The following AACS variants were observed in gnomAD, a reference collection of about 807,000 sequenced individuals.
AACS encodes acetoacetate-CoA ligase.
A neutral mutation model predicts 83.1 loss-of-function variants in AACS; 69 were observed. The observed-to-expected ratio is 0.83, with a 90% CI of 0.68 to 1.01. The LOEUF (loss-of-function observed/expected upper bound fraction) is 1.01, where lower values mean the gene tolerates loss of function less well. Ranked by LOEUF, AACS falls within the 50% of genes least tolerant of loss-of-function variation. AACS has a pLI of 0.00. For missense variants in AACS, 866 were observed against 882.2 expected (o/e 0.98, Z 0.23); for synonymous variants, 333 against 343.4 (o/e 0.97, Z 0.33).
intron 14 of AACS, among the ~76,000 whole-genome samples, chr12:125,132,138 C>T (rs1435550786): frequency 1.3e-5 from 2 of 152,220 alleles, no homozygotes; most frequent in African/African-American, 4.8e-5. Context: ...ATCGTTTCTG[C>T]GGCTTCGTTT....
At chr12:125,089,699 A>G (rs1162543688) in intron 4 of AACS, among the ~76,000 whole-genome samples, 2 of 151,512 alleles carry the variant, frequency 1.3e-5, no homozygotes, top group Non-Finnish European at 2.9e-5. Flanking sequence ...CCATCCATCA[A>G]CCCATCCATC....
chr12:125,129,357 C>T lies in AACS; in HGVS notation c.1446C>T (p.Ser482=), dbSNP rs191322244. The T allele has an allele frequency of 3.7e-4, 591 of 1,613,168 alleles. No individual in the cohort carries two copies. The highest frequency in any genetic ancestry group is 7.1e-4 in the East Asian group (32 of 44,788). ...CAGGAAAGGCGGTCTGGGGAGAGAGCGGCGAGCTGGTGTGTACTAAGCCGA... is the reference window on the plus strand; with the variant it reads ...CAGGAAAGGCGGTCTGGGGAGAGAGTGGCGAGCTGGTGTGTACTAAGCCGA... The part of the protein sequence containing the change: ...NEEGKAVWGE[S]GELVCTKPIP... The change falls in exon 14 of 18, where the codon AGC becomes AGT. Residue 482 remains serine, a synonymous_variant. Coordinates refer to ENST00000316519, the MANE Select transcript of AACS (RefSeq NM_023928.5). The surrounding 1 kb of genome is among the most constrained non-coding windows in gnomAD (Gnocchi z 4.3).
At chr12:125,068,779 C>T (rs1409325693) in intron 1 of AACS, among the ~76,000 whole-genome samples, 1 of 151,502 alleles carries the variant, frequency 6.6e-6, no homozygotes, top group African/African-American at 2.4e-5. Flanking sequence ...CTTCCCTCTT[C>T]TCTCCAAGCA....
At position 125,065,477 on chromosome 12, in the gene AACS, C is replaced by T. The variant is rs1955660070; in HGVS notation, c.-108C>T. ...CGCCGCCGTCGCTGACCCAGCCCGC[C>T]AGGCGCTCCTGACCGTCGCTTCCTC... On this transcript the variant is annotated 5_prime_UTR_variant, in exon 1 of 18. Transcript: ENST00000316519. The T allele has an allele frequency of 8.1e-7, 1 of 1,228,906 alleles. No homozygotes were observed. Among genetic ancestry groups the T allele is most frequent in the Non-Finnish European group, 1.1e-6 (1 of 947,626 alleles). The allele number at this position is 1,228,906 out of a possible 1,614,324, so 76.1% of individuals were successfully genotyped here. A position where few individuals can be genotyped will look rare whatever the true frequency, so the allele number is the denominator to read the frequency against.
chr12:125,114,453 C>T lies in AACS; in HGVS notation c.916-24C>T, dbSNP rs41344851. On this transcript the variant is annotated intron_variant, in intron 8 of 17. Transcript: ENST00000316519. The stretch of plus-strand genomic sequence containing the variant: ...TACTGTATGCCTAACAGAGAGCACC[C>T]GCTCCCCCGTGTCTCCCCTGCAGGG... 1.9e-5 allele frequency: 31 copies of T among 1,607,618 alleles called. No homozygotes were observed. In the East Asian group the frequency reaches 2.0e-4, roughly 10 times the overall value.
At chr12:125,085,353 C>T (rs868819026) in intron 3 of AACS, among the ~76,000 whole-genome samples, 42 of 152,292 alleles carry the variant, frequency 2.8e-4, no homozygotes, top group African/African-American at 8.7e-4. Flanking sequence ...ATGTCTATTT[C>T]GTGGAACCAC....
Position 125,142,499 on chromosome 12 carries a change from C to T in AACS, c.*270C>T, listed in dbSNP as rs1020978436. ...GTGAGAGTGTGTGTCTTTGCACACA[C>T]AGTGCAGCGGGAACGGTGGGGCTGG... On this transcript the variant is annotated 3_prime_UTR_variant, in exon 18 of 18. Transcript: ENST00000316519. The T allele has an allele frequency of 2.6e-5, 12 of 466,600 alleles. No homozygotes were observed. The highest frequency in any genetic ancestry group is 4.6e-5 in the Non-Finnish European group (12 of 258,374). 28.9% of individuals were successfully genotyped at this position (466,600 alleles called of 1,614,324 possible). A position where few individuals can be genotyped will look rare whatever the true frequency, so the allele number is the denominator to read the frequency against.
chr12:125,108,211 G>A (rs942904651), intron 8 of AACS, among the ~76,000 whole-genome samples: 1 of 152,224 alleles, frequency 6.6e-6, no homozygotes, highest in East Asian at 1.9e-4. Context: ...CCCGTGCTGC[G>A]AGTCTGTTAG....
At chr12:125,102,082 AAAAAAAAAC>A (rs1956722441) in intron 5 of AACS, 1 of 149,826 alleles carries the variant, frequency 6.7e-6, no homozygotes, top group African/African-American at 2.5e-5. Flanking sequence ...AAAAAAAACA[AAAAAAAAAC>A]CAGAATCTTG....
intron 8 of AACS, among the ~76,000 whole-genome samples, chr12:125,110,493 T>C (rs550597829): frequency 6.6e-6 from 1 of 152,330 alleles, no homozygotes; most frequent in South Asian, 2.1e-4. Flanking sequence ...GGCCGGTCTG[T>C]GGGAGTCAGG....
chr12:125,077,326 T>C (rs919862272), intron 3 of AACS, among the ~76,000 whole-genome samples: 7 of 152,046 alleles, frequency 4.6e-5, no homozygotes, highest in East Asian at 1.9e-4. Context: ...CTGGCTAACA[T>C]GGTGAAACCC....
intron 14 of AACS, among the ~76,000 whole-genome samples, chr12:125,132,685 T>C (rs1167572500): frequency 6.6e-6 from 1 of 152,166 alleles, no homozygotes; most frequent in Non-Finnish European, 1.5e-5. Context: ...CCTGAAGACC[T>C]GCAGTTCTCT....
intron 10 of AACS, among the ~76,000 whole-genome samples, chr12:125,119,571 G>A (rs1390473958): frequency 6.6e-6 from 1 of 152,244 alleles, no homozygotes; most frequent in Non-Finnish European, 1.5e-5. Context: ...AGGCAAGAGA[G>A]CGTGTGCAGG....
At chr12:125,107,327 C>G in intron 8 of AACS, 59 bp downstream of exon 8, 1 of 1,590,230 alleles carries the variant, frequency 6.3e-7, no homozygotes, top group Non-Finnish European at 8.6e-7. Flanking sequence ...TCAACAGGGC[C>G]TCCCAGCTGA....
chr12:125,133,920 G>A (rs1037319384), intron 14 of AACS, 83 bp from the exon 15 acceptor site: 10 of 1,414,310 alleles, frequency 7.1e-6, no homozygotes, highest in Middle Eastern at 1.8e-4. Context: ...TGATGTCTGC[G>A]GACCTACACC....
chr12:125,141,731 A>G (rs11614180), intron 17 of AACS: 12,465 of 193,210 alleles, frequency 0.065, 591 homozygotes, highest in African/African-American at 0.12. Flanking sequence ...GAAAAAAAGA[A>G]AAATGAACAT....
At chr12:125,119,484 A>G (rs1472959932) in intron 10 of AACS, among the ~76,000 whole-genome samples, 2 of 152,218 alleles carry the variant, frequency 1.3e-5, no homozygotes, top group Non-Finnish European at 2.9e-5. Flanking sequence ...ATGGACTCAG[A>G]GTTTCACATG....
rs140216793 is a variant in AACS, at chr12:125,094,337, T to G, written c.570+2814T>G. 6.6e-6 allele frequency among the ~76,000 whole-genome samples: 1 copy of G among 152,376 alleles called. No individual in the cohort carries two copies. Among genetic ancestry groups the G allele is most frequent in the Non-Finnish European group, 1.5e-5 (1 of 68,038 alleles). On this transcript the variant is annotated intron_variant, in intron 5 of 17. Coordinates refer to ENST00000316519, the MANE Select transcript of AACS (RefSeq NM_023928.5). This position sits in a 1 kb window ranked among gnomAD's most constrained non-coding sequence, Gnocchi z 4.1. ...TTCCCTTTGGAATCATGTTTTCTCT[T>G]GCTTTGAAATTATATTTCTTTGAAT...
chr12:125,076,749 GA>G (rs1259684498), intron 3 of AACS, 138 bp downstream of exon 3: 25 of 1,386,706 alleles, frequency 1.8e-5, no homozygotes, highest in Non-Finnish European at 2.3e-5. Flanking sequence ...GATTTCTGTC[GA>G]CTTTATTTTT....
Sources: allele counts gnomAD v4.1 joint callset (sites outside exome capture counted in the v4.1 genomes callset), GRCh38; gene constraint gnomAD v4.1.1; non-coding constraint Gnocchi (gnomAD v3.1); transcripts MANE v1.5; gene names NCBI Gene and HGNC (gene_info 2026-07-23, HGNC 2026-07-21).